XDH: variants seen among roughly 807,000 people sequenced by gnomAD.
XDH encodes the protein xanthine dehydrogenase/oxidase.
In XDH, 138 loss-of-function variants were observed where a neutral mutation model predicts 156.1. The observed-to-expected ratio is 0.88, with a 90% CI of 0.77 to 1.02. XDH has a LOEUF of 1.02. Ranked by LOEUF, XDH falls within the 50% of genes least tolerant of loss-of-function variation. The probability of loss-of-function intolerance (pLI) is 0.00; values close to 1 mark genes in which losing one functional copy is unlikely to be tolerated. For synonymous variants in XDH, 669 were observed against 625.7 expected (o/e 1.07, Z -1.03); for missense variants, 1,849 against 1,684.9 (o/e 1.10, Z -1.71).
intron 3 of XDH, among the ~76,000 whole-genome samples, chr2:31,402,124 GTC>G (rs1687074706): frequency 6.6e-6 from 1 of 151,740 alleles, no homozygotes; most frequent in Non-Finnish European, 1.5e-5. Flanking sequence ...TTGCAGCAGA[GTC>G]TTAACTTGAG....
chr2:31,363,874 T>C (rs2148765782), intron 24 of XDH, among the ~76,000 whole-genome samples: 1 of 152,300 alleles, frequency 6.6e-6, no homozygotes, highest in East Asian at 1.9e-4. Flanking sequence ...TCCATGCATA[T>C]GTACACACAC....
chr2:31,355,432 A>G (rs1176940662), intron 24 of XDH, among the ~76,000 whole-genome samples: 2 of 152,224 alleles, frequency 1.3e-5, no homozygotes, highest in African/African-American at 2.4e-5. Flanking sequence ...AAATTAAAAC[A>G]CTGTCTTGAT....
intron 1 of XDH, among the ~76,000 whole-genome samples, chr2:31,407,152 T>C (rs1426785362): frequency 6.6e-6 from 1 of 152,200 alleles, no homozygotes; most frequent in Non-Finnish European, 1.5e-5. Context: ...AATATTTGCC[T>C]CCCACCTCAA....
rs764568414 is a variant in XDH at position 31,377,177 on chromosome 2, T to C, written c.1303A>G (p.Thr435Ala). Residue 435 changes from threonine (T) to alanine (A), a missense_variant, in exon 14 of 36, where the codon ACC becomes GCC. Thr to Ala is a moderately conservative substitution (Grantham distance 58). Transcript: ENST00000379416. ...TTGAATAAAACTCTCATGCCACTGGTTACCTTGGCAATGTCATCTTCTCTC... is the reference window on the plus strand; with the variant it reads ...TTGAATAAAACTCTCATGCCACTGGCTACCTTGGCAATGTCATCTTCTCTC... ...SRREDDIAKVTSGMRVLFKPG... is the reference protein window; with the variant it reads ...SRREDDIAKVASGMRVLFKPG... The C allele has an allele frequency of 4.5e-5, 73 of 1,614,008 alleles. No individual in the cohort carries two copies. Among genetic ancestry groups the C allele is most frequent in the Non-Finnish European group, 5.9e-5 (70 of 1,180,026 alleles).
intron 1 of XDH, among the ~76,000 whole-genome samples, chr2:31,414,413 G>A (rs1687421269): frequency 6.6e-6 from 1 of 151,466 alleles, no homozygotes; most frequent in Non-Finnish European, 1.5e-5. Context: ...CTCATTCTTT[G>A]GCCTCTGAGT....
chr2:31,388,795 A>C lies in XDH; in HGVS notation c.496-500T>G, dbSNP rs144413134. Among the ~76,000 whole-genome samples the C allele has an allele frequency of 2.5e-3, 385 of 152,330 alleles. 1 individual carries two copies. Among genetic ancestry groups the C allele is most frequent in the Non-Finnish European group, 4.4e-3 (302 of 68,024 alleles). On this transcript the variant is annotated intron_variant, in intron 6 of 35. Coordinates refer to ENST00000379416, the MANE Select transcript of XDH (RefSeq NM_000379.4). ...GCTGAGCCCAGCACTGTGTCCAGCC[A>C]GTGTGCCCAATGGCCTCCCTACTGC...
At position 31,341,333 on chromosome 2, in the gene XDH, C is replaced by G. The variant is rs1388492434; in HGVS notation, c.3581G>C (p.Gly1194Ala). The stretch of plus-strand genomic sequence containing the variant: ...CCTGGTCCCACTGAGCCTCACCTGT[C>G]CAATATCAATGGCAGGGTTTAGACT... ...GSSLNPAIDI[G>A]QVEGAFVQGL... The change falls in exon 33 of 36, where the codon GGA (glycine) becomes GCA (alanine). Residue 1194 changes from glycine to alanine, a missense_variant. Transcript: ENST00000379416. 5.1e-6 allele frequency: 8 copies of G among 1,571,938 alleles called. No individual in the cohort carries two copies. Among genetic ancestry groups the G allele is most frequent in the Non-Finnish European group, 6.9e-6 (8 of 1,155,896 alleles).
intron 1 of XDH, among the ~76,000 whole-genome samples, chr2:31,406,864 A>G (rs937627772): frequency 6.6e-6 from 1 of 152,232 alleles, no homozygotes; most frequent in Non-Finnish European, 1.5e-5. Flanking sequence ...GATGCGTATT[A>G]GTCAACACTA....
At chr2:31,406,626 T>C (rs1028706465) in intron 1 of XDH, among the ~76,000 whole-genome samples, 3 of 152,200 alleles carry the variant, frequency 2.0e-5, no homozygotes, top group Non-Finnish European at 4.4e-5. Context: ...CCACAGAACA[T>C]GCAGGCATTG....
In XDH at chr2:31,403,075, T is replaced by C; in HGVS notation, c.170A>G (p.Lys57Arg). 1.2e-6 allele frequency: 2 copies of C among 1,614,168 alleles called. No individual in the cohort carries two copies. The highest frequency in any genetic ancestry group is 8.5e-7 in the Non-Finnish European group (1 of 1,180,018). ...GATCTTGTTCTGCAGACGATCATAC[T>C]TGGAGAGCATCACTGTGCAAGCCCC... Reference protein sequence around the residue: ...GCGACTVMLSKYDRLQNKIVH... With the variant: ...GCGACTVMLSRYDRLQNKIVH... The change falls in exon 3 of 36, where the codon AAG becomes AGG. Residue 57 changes from lysine to arginine, a missense_variant. Coordinates refer to ENST00000379416, the MANE Select transcript of XDH (RefSeq NM_000379.4).
intron 2 of XDH, 35 bp from the exon 3 acceptor site, chr2:31,403,179 G>A: frequency 6.2e-7 from 1 of 1,609,518 alleles, no homozygotes; most frequent in Non-Finnish European, 8.5e-7. Flanking sequence ...ATGAACTCAG[G>A]GAGAGGAGTC....
intron 13 of XDH, among the ~76,000 whole-genome samples, chr2:31,379,295 C>T (rs181742821): frequency 4.6e-5 from 7 of 152,268 alleles, no homozygotes; most frequent in East Asian, 1.9e-4. Flanking sequence ...CAATCCACAG[C>T]GAGGTCAGTG....
chr2:31,396,347 G>A (rs539330232), intron 6 of XDH, among the ~76,000 whole-genome samples: 1 of 152,276 alleles, frequency 6.6e-6, no homozygotes, highest in Non-Finnish European at 1.5e-5. Flanking sequence ...CTTTGAGCAG[G>A]TTCTTATGAA....
At chr2:31,363,654 G>A (rs986978386) in intron 24 of XDH, among the ~76,000 whole-genome samples, 6 of 151,996 alleles carry the variant, frequency 3.9e-5, no homozygotes, top group East Asian at 3.9e-4. Flanking sequence ...AAAGCAATTC[G>A]AATTATTTAA....
At chr2:31,399,559 T>C (rs45476593) in intron 4 of XDH, among the ~76,000 whole-genome samples, 6,025 of 152,318 alleles carry the variant, frequency 0.04, 136 homozygotes, top group Middle Eastern at 0.061. Context: ...AGGTTGATTA[T>C]ACAGATACAA....
In XDH at chr2:31,403,109, C is replaced by A. The variant is rs758425792; in HGVS notation, c.136G>T (p.Gly46Trp). The stretch of plus-strand genomic sequence containing the variant: ...ATCACTGTGCAAGCCCCGCAGCCCC[C>A]CTCTCCACAGCCGAGCTTGGTTCCA... ...LSGTKLGCGE[G>W]GCGACTVMLS... The change falls in exon 3 of 36, where the codon GGG (glycine) becomes TGG (tryptophan). Residue 46 changes from glycine (G) to tryptophan (W), a missense_variant. Coordinates refer to ENST00000379416, the MANE Select transcript of XDH (RefSeq NM_000379.4). 1.4e-5 allele frequency: 22 copies of A among 1,614,066 alleles called. No homozygotes were observed. Among genetic ancestry groups the A allele is most frequent in the Admixed American group, 1.7e-5 (1 of 60,012 alleles).
intron 4 of XDH, 86 bp downstream of exon 4, chr2:31,401,134 C>A: frequency 1.3e-6 from 2 of 1,494,104 alleles, no homozygotes; most frequent in Non-Finnish European, 1.8e-6. Context: ...CCCAACAACC[C>A]AAAGCAAGTC....
chr2:31,392,416 ATTATTTAT>A (rs377227561), intron 6 of XDH, among the ~76,000 whole-genome samples: 4 of 149,740 alleles, frequency 2.7e-5, no homozygotes, highest in Admixed American at 1.3e-4. Flanking sequence ...TTTTATTTTT[ATTATTTAT>A]TTATTTATTT....
intron 1 of XDH, among the ~76,000 whole-genome samples, chr2:31,409,755 C>T (rs1207197805): frequency 5.3e-5 from 8 of 152,140 alleles, no homozygotes; most frequent in Non-Finnish European, 7.4e-5. Context: ...TTTGCAAGGA[C>T]GTGGAGAAAC....
Sources: allele counts gnomAD v4.1 joint callset (sites outside exome capture counted in the v4.1 genomes callset), GRCh38; gene constraint gnomAD v4.1.1; transcripts MANE v1.5; gene names NCBI Gene and HGNC (gene_info 2026-07-23, HGNC 2026-07-21).